GPR89A: variants seen among roughly 807,000 people sequenced by gnomAD.
GPR89A encodes the protein G protein-coupled receptor 89A.
Under a neutral mutation model 52.0 loss-of-function variants are expected in GPR89A, and 16 were observed. That is an observed-to-expected ratio of 0.31 (90% CI 0.21 to 0.47). GPR89A has a LOEUF of 0.47. Ranked by LOEUF, GPR89A falls within the 20% of genes least tolerant of loss-of-function variation. The pLI is 1.00. For missense variants in GPR89A, 135 were observed against 449.4 expected (o/e 0.30, Z 6.33); for synonymous variants, 55 against 150.9 (o/e 0.36, Z 4.66).
chr1:145,614,449 T>C (rs587771824), intron 1 of GPR89A, among the ~76,000 whole-genome samples: 2 of 152,284 alleles, frequency 1.3e-5, no homozygotes, highest in East Asian at 3.9e-4. Context: ...CCTCAGCACT[T>C]AGCATAGCAC....
chr1:145,637,905 C>T (rs1650357316), intron 7 of GPR89A, among the ~76,000 whole-genome samples: 1 of 150,986 alleles, frequency 6.6e-6, no homozygotes, highest in Non-Finnish European at 1.5e-5. Flanking sequence ...GGCATGGTGG[C>T]TCACGCCTGT....
intron 12 of GPR89A, among the ~76,000 whole-genome samples, chr1:145,668,345 C>A (rs587734233): frequency 6.6e-6 from 1 of 152,052 alleles, no homozygotes; most frequent in Non-Finnish European, 1.5e-5. Context: ...TGTGAATGGG[C>A]GTTCACTCAT....
chr1:145,623,825 AATTT>A (rs1553688581), intron 5 of GPR89A, 111 bp downstream of exon 5: 5 of 823,994 alleles, frequency 6.1e-6, no homozygotes, highest in Non-Finnish European at 3.8e-6. Context: ...TTGGGGAAAT[AATTT>A]ATTAATTCAC....
intron 5 of GPR89A, among the ~76,000 whole-genome samples, chr1:145,625,851 C>T (rs1649460578): frequency 6.6e-6 from 1 of 150,576 alleles, no homozygotes. Flanking sequence ...TTTCTAACTT[C>T]CTCATCAACC....
intron 1 of GPR89A, among the ~76,000 whole-genome samples, chr1:145,610,804 C>A (rs1317804707): frequency 1.3e-5 from 2 of 151,984 alleles, no homozygotes; most frequent in African/African-American, 4.8e-5. Flanking sequence ...AGAAAGGTGT[C>A]TTTTATAGTT....
intron 12 of GPR89A, among the ~76,000 whole-genome samples, chr1:145,667,208 TAA>T (rs1652628261): frequency 6.6e-6 from 1 of 152,202 alleles, no homozygotes; most frequent in African/African-American, 2.4e-5. Flanking sequence ...ACCAACAGTG[TAA>T]AAGTGTTCCT....
chr1:145,668,178 T>C (rs1173932696), intron 12 of GPR89A, among the ~76,000 whole-genome samples: 1 of 152,160 alleles, frequency 6.6e-6, no homozygotes, highest in African/African-American at 2.4e-5. Context: ...GCCATTTTCA[T>C]GATATTGATT....
chr1:145,655,601 C>G lies in GPR89A; in HGVS notation c.910-7728C>G, dbSNP rs193205853. Among the ~76,000 whole-genome samples the G allele has an allele frequency of 2.0e-5, 3 of 152,282 alleles. No homozygotes were observed. In the East Asian group the frequency reaches 5.8e-4, roughly 29 times the overall value. Reference sequence around the variant, plus strand: ...GGCGGTCGAATCCATACCCTACTCGCCTGGGTCCCTCTCGCACCTGGAGGT... The same window carrying G: ...GGCGGTCGAATCCATACCCTACTCGGCTGGGTCCCTCTCGCACCTGGAGGT... On this transcript the variant is annotated intron_variant, in intron 10 of 13. Coordinates refer to ENST00000313835, the MANE Select transcript of GPR89A (RefSeq NM_001097612.2).
chr1:145,666,597 A>C (rs1231167552), intron 12 of GPR89A, among the ~76,000 whole-genome samples: 3 of 151,920 alleles, frequency 2.0e-5, no homozygotes, highest in African/African-American at 7.3e-5. Context: ...GTACATGTGC[A>C]CAACATGCAG....
chr1:145,615,072 T>C (rs1172586721), intron 1 of GPR89A, among the ~76,000 whole-genome samples: 1 of 152,230 alleles, frequency 6.6e-6, no homozygotes, highest in Admixed American at 6.5e-5. Flanking sequence ...TGTGTATGTA[T>C]AGAAAGTTCT....
chr1:145,667,517 A>G lies in GPR89A; in HGVS notation c.1095+1866A>G, dbSNP rs587634678. On this transcript the variant is annotated intron_variant, in intron 12 of 13. Coordinates refer to ENST00000313835, the MANE Select transcript of GPR89A (RefSeq NM_001097612.2). ...TTGCAAAAATTTTCTCCCATTCTGT[A>G]GGTTGCCTGTTCACTCTGATGGTAG... Among the ~76,000 whole-genome samples the G allele has an allele frequency of 3.9e-3, 589 of 152,146 alleles. 30 individuals carry two copies. The East Asian group carries it at 0.096, about 25-fold the overall frequency.
At chr1:145,636,100 A>G (rs1650223395) in intron 7 of GPR89A, among the ~76,000 whole-genome samples, 1 of 152,094 alleles carries the variant, frequency 6.6e-6, no homozygotes. Context: ...TCTGGTCAGG[A>G]TCAGGAATGG....
chr1:145,626,771 A>T (rs1459170199), intron 5 of GPR89A, among the ~76,000 whole-genome samples: 1 of 151,762 alleles, frequency 6.6e-6, no homozygotes, highest in Non-Finnish European at 1.5e-5. Flanking sequence ...CCAACATGGC[A>T]AAACCCCATC....
chr1:145,626,742 G>C (rs1343684699), intron 5 of GPR89A, among the ~76,000 whole-genome samples: 2 of 151,536 alleles, frequency 1.3e-5, no homozygotes, highest in African/African-American at 4.9e-5. Flanking sequence ...TTGAGGCCAG[G>C]AGTTAGAGAC....
chr1:145,662,592 A>C (rs1253358008), intron 10 of GPR89A, among the ~76,000 whole-genome samples: 1 of 152,082 alleles, frequency 6.6e-6, no homozygotes. Context: ...TCAGCAATCT[A>C]TAGCCCACAG....
intron 5 of GPR89A, among the ~76,000 whole-genome samples, chr1:145,628,117 T>G (rs1437745049): frequency 6.6e-6 from 1 of 150,798 alleles, no homozygotes; most frequent in East Asian, 2.0e-4. Flanking sequence ...ATCAGGAGCT[T>G]AGGGAAAAGG....
chr1:145,619,318 A>AAG (rs1223814031), intron 3 of GPR89A, among the ~76,000 whole-genome samples: 136,119 of 147,286 alleles, frequency 0.92, 63,535 homozygotes, highest in Non-Finnish European at 0.99. Flanking sequence ...AAAAAAAAAG[A>AAG]AGAGAGAGGG....
chr1:145,650,685 G>A (rs1358222997), intron 10 of GPR89A, among the ~76,000 whole-genome samples: 1 of 151,446 alleles, frequency 6.6e-6, no homozygotes, highest in South Asian at 2.1e-4. Flanking sequence ...ATTCTGACTG[G>A]TGTGAGATGG....
chr1:145,616,845 C>T (rs1553687126), intron 2 of GPR89A, among the ~76,000 whole-genome samples: 8 of 151,676 alleles, frequency 5.3e-5, no homozygotes, highest in African/African-American at 1.7e-4. Context: ...ACAAAACCAG[C>T]AAGTTTTTAT....
Sources: allele counts gnomAD v4.1 joint callset (sites outside exome capture counted in the v4.1 genomes callset), GRCh38; gene constraint gnomAD v4.1.1; transcripts MANE v1.5; gene names NCBI Gene and HGNC (gene_info 2026-07-23, HGNC 2026-07-21).